WNT3A: variants seen among roughly 807,000 people sequenced by gnomAD.
The protein encoded by WNT3A is Wnt family member 3A.
A neutral mutation model predicts 37.0 loss-of-function variants in WNT3A; 17 were observed. The observed-to-expected ratio is 0.46, with a 90% CI of 0.31 to 0.69. The LOEUF (loss-of-function observed/expected upper bound fraction) is 0.69. WNT3A is among the 30% of genes least tolerant of loss of function. The pLI, the probability that WNT3A is intolerant of heterozygous loss-of-function variation, is 0.05. For missense variants in WNT3A, 411 were observed against 510.2 expected (o/e 0.81, Z 1.87); for synonymous variants, 187 against 211.0 (o/e 0.89, Z 0.99).
intron 2 of WNT3A, among the ~76,000 whole-genome samples, chr1:228,035,556 C>T (rs561363024): frequency 3.3e-5 from 5 of 152,318 alleles, no homozygotes; most frequent in South Asian, 2.1e-4. Flanking sequence ...AGAGGATACC[C>T]GGTCCCCATG....
intron 3 of WNT3A, among the ~76,000 whole-genome samples, chr1:228,055,933 T>C (rs1383912657): frequency 6.6e-6 from 1 of 152,190 alleles, no homozygotes; most frequent in Non-Finnish European, 1.5e-5. Context: ...GAGTGAACCT[T>C]CCAAAGTGAA....
chr1:228,052,927 T>C (rs1438681895), intron 3 of WNT3A, among the ~76,000 whole-genome samples: 1 of 152,216 alleles, frequency 6.6e-6, no homozygotes, highest in African/African-American at 2.4e-5. Context: ...TGTTGTAAGC[T>C]TGATCTCCAG....
intron 2 of WNT3A, among the ~76,000 whole-genome samples, chr1:228,048,401 T>C (rs923183907): frequency 2.6e-5 from 4 of 152,130 alleles, no homozygotes; most frequent in Admixed American, 2.6e-4. Flanking sequence ...AAAGCCCAGG[T>C]GTCTTCTTGC....
intron 1 of WNT3A, among the ~76,000 whole-genome samples, chr1:228,019,183 A>G (rs875980): frequency 0.022 from 3,372 of 152,124 alleles, 106 homozygotes; most frequent in East Asian, 0.11. Flanking sequence ...TTGGGAGTCC[A>G]CCTCTCTGCT....
At chr1:228,048,815 C>A (rs999202107) in intron 2 of WNT3A, among the ~76,000 whole-genome samples, 2 of 152,176 alleles carry the variant, frequency 1.3e-5, no homozygotes, top group Non-Finnish European at 1.5e-5. Flanking sequence ...CCCCAAGACA[C>A]AGCTCATTCT....
Position 228,050,819 on chromosome 1 carries a change from C to A in WNT3A, c.477C>A (p.Ile159=). The A allele has an allele frequency of 6.2e-7, 1 of 1,612,810 alleles. No homozygotes were observed. Among genetic ancestry groups the A allele is most frequent in the South Asian group, 1.1e-5 (1 of 90,934 alleles). The change falls in exon 3 of 4, where the codon ATC becomes ATA. Residue 159 remains isoleucine (I), a synonymous_variant. Coordinates refer to ENST00000284523, the MANE Select transcript of WNT3A (RefSeq NM_033131.4). The surrounding 1 kb of genome is among the most constrained non-coding windows in gnomAD (Gnocchi z 5.0). The stretch of plus-strand genomic sequence containing the variant: ...AGTGGGGTGGCTGTAGCGAGGACAT[C>A]GAGTTTGGTGGGATGGTGTCTCGGG... ...GWKWGGCSED[I]EFGGMVSREF... is the part of the protein sequence containing the mutation.
chr1:228,051,013 G>A (rs1217808006), intron 3 of WNT3A, 92 bp downstream of exon 3: 2 of 1,413,762 alleles, frequency 1.4e-6, no homozygotes, highest in Non-Finnish European at 1.9e-6. Context: ...GCCCGGTGAG[G>A]CAGGATGGTG....
chr1:228,022,615 T>C, intron 1 of WNT3A, 52 bp from the exon 2 acceptor site: 1 of 1,576,568 alleles, frequency 6.3e-7, no homozygotes, highest in Non-Finnish European at 8.7e-7. Context: ...AGCCTGCTCA[T>C]CTGTGTCGCT....
chr1:228,021,868 T>C (rs1213703568), intron 1 of WNT3A, among the ~76,000 whole-genome samples: 1 of 152,236 alleles, frequency 6.6e-6, no homozygotes, highest in Non-Finnish European at 1.5e-5. Flanking sequence ...TCTCAGGTTC[T>C]AGCCCTGAGT....
At chr1:228,014,315 T>A (rs1013718197) in intron 1 of WNT3A, among the ~76,000 whole-genome samples, 20 of 151,942 alleles carry the variant, frequency 1.3e-4, no homozygotes, top group African/African-American at 4.8e-4. Context: ...AACAAGCGAG[T>A]AACAGGGCCC....
rs2030753332 is a variant in WNT3A, at chr1:228,022,864, C to A, written c.269C>A (p.Thr90Asn). Residue 90 changes from threonine (T) to asparagine (N), a missense_variant, in exon 2 of 4, where the codon ACC becomes AAC. By Grantham distance (65) the Thr-to-Asn change is moderately conservative. Transcript: ENST00000284523. Reference sequence around the variant, plus strand: ...CGCGGCCGCCGGTGGAACTGCACCACCGTCCACGACAGCCTGGCCATCTTC... The same window carrying A: ...CGCGGCCGCCGGTGGAACTGCACCAACGTCCACGACAGCCTGGCCATCTTC... The part of the protein sequence containing the change: ...QFRGRRWNCT[T>N]VHDSLAIFGP... 6.2e-7 allele frequency: 1 copy of A among 1,613,032 alleles called. No individual in the cohort carries two copies. The highest frequency in any genetic ancestry group is 1.3e-5 in the African/African-American group (1 of 74,932).
chr1:228,044,874 C>T (rs2031366558), intron 2 of WNT3A, among the ~76,000 whole-genome samples: 1 of 152,194 alleles, frequency 6.6e-6, no homozygotes, highest in South Asian at 2.1e-4. Context: ...ACTTCAGCCT[C>T]GGATGGGGGT....
At chr1:228,032,567 G>A (rs1181911470) in intron 2 of WNT3A, among the ~76,000 whole-genome samples, 1 of 152,152 alleles carries the variant, frequency 6.6e-6, no homozygotes, top group African/African-American at 2.4e-5. Context: ...TCCATTGTAT[G>A]GATAGACCAT....
chr1:228,028,815 G>A (rs1187992401), intron 2 of WNT3A, among the ~76,000 whole-genome samples: 4 of 152,182 alleles, frequency 2.6e-5, no homozygotes, highest in Non-Finnish European at 5.9e-5. Context: ...CTTCAGCGGG[G>A]TTGGCTGCAG....
At chr1:228,027,108 G>T (rs2030872105) in intron 2 of WNT3A, among the ~76,000 whole-genome samples, 1 of 152,222 alleles carries the variant, frequency 6.6e-6, no homozygotes, top group Admixed American at 6.5e-5. Flanking sequence ...CTCCCTAAGT[G>T]CTGGGATTAC....
intron 1 of WNT3A, among the ~76,000 whole-genome samples, chr1:228,011,685 C>T (rs956288388): frequency 4.6e-5 from 7 of 152,236 alleles, no homozygotes; most frequent in African/African-American, 1.4e-4. Context: ...CTCTGCCTCT[C>T]GTCTCTGCCT....
At chr1:228,033,218 G>A (rs981735472) in intron 2 of WNT3A, among the ~76,000 whole-genome samples, 2 of 151,972 alleles carry the variant, frequency 1.3e-5, no homozygotes, top group Non-Finnish European at 2.9e-5. Flanking sequence ...TGGTTCCTTG[G>A]CTTTTGATGC....
chr1:228,041,519 TCATCCATC>T (rs10555310), intron 2 of WNT3A, among the ~76,000 whole-genome samples: 26 of 150,560 alleles, frequency 1.7e-4, no homozygotes, highest in African/African-American at 3.9e-4. Context: ...ATCCATCAAT[TCATCCATC>T]CATCCATCCA....
At chr1:228,052,730 G>A (rs1439496562) in intron 3 of WNT3A, among the ~76,000 whole-genome samples, 1 of 152,214 alleles carries the variant, frequency 6.6e-6, no homozygotes, top group African/African-American at 2.4e-5. Flanking sequence ...TAATCTTCCT[G>A]CAGAAGACAA....
Sources: gnomAD v4.1 joint callset for allele counts (sites outside exome capture counted in the v4.1 genomes callset) on GRCh38, gnomAD v4.1.1 for gene constraint, Gnocchi (gnomAD v3.1) non-coding constraint, MANE v1.5 for transcripts, NCBI Gene and HGNC (gene_info 2026-07-23, HGNC 2026-07-21) for gene names.